The following CSMD3 variants were observed in gnomAD, a reference collection of about 807,000 sequenced individuals.
CSMD3 encodes CUB and sushi domain-containing protein 3.
Under a neutral mutation model 435.2 loss-of-function variants are expected in CSMD3, and 177 were observed. The observed-to-expected ratio is 0.41, with a 90% CI of 0.36 to 0.46. CSMD3 has a LOEUF of 0.46. Ranked by LOEUF, CSMD3 falls within the 20% of genes least tolerant of loss-of-function variation. The pLI is 0.34. For missense variants in CSMD3, 4,265 were observed against 4,504.6 expected, an observed-to-expected ratio of 0.95 and a Z score of 1.52; for synonymous variants, 1,656 against 1,520.5, an observed-to-expected ratio of 1.09 and a Z score of -2.07.
rs758932654 is a variant in CSMD3, at chr8:112,304,703, A to T, written c.8266+18T>A. 11 of 1,581,044 alleles carry T rather than the reference A, an allele frequency of 7.0e-6. No homozygotes were observed. The Admixed American group carries it at 1.5e-4, about 22-fold the overall frequency. On this transcript the variant is annotated intron_variant, in intron 52 of 70. Coordinates refer to ENST00000297405, the MANE Select transcript of CSMD3 (RefSeq NM_198123.2). ...CAAACATAGCTTATGAAATAAGTTTAGCAGAGTGTATACTTACTTTGGCAA... is the reference window on the plus strand; with the variant it reads ...CAAACATAGCTTATGAAATAAGTTTTGCAGAGTGTATACTTACTTTGGCAA...
At chr8:112,976,307 G>C (rs536723366) in intron 6 of CSMD3, among the ~76,000 whole-genome samples, 159 bp from the exon 7 acceptor site, 82 of 152,218 alleles carry the variant, frequency 5.4e-4, no homozygotes, top group Non-Finnish European at 1.1e-3. Context: ...AAGCGCACTA[G>C]ATCTGTCGGT....
chr8:113,131,316 G>GA (rs1046527982), intron 4 of CSMD3, among the ~76,000 whole-genome samples: 10 of 152,022 alleles, frequency 6.6e-5, no homozygotes, highest in Admixed American at 4.6e-4. Context: ...AGCCAAGGAG[G>GA]AAAAAATGGC....
chr8:113,003,932 T>C (rs1192641295), intron 6 of CSMD3, among the ~76,000 whole-genome samples: 1 of 152,056 alleles, frequency 6.6e-6, no homozygotes, highest in African/African-American at 2.4e-5. Context: ...AAAAAAACAT[T>C]TATTTTTCTA....
chr8:112,700,063 T>C (rs1285101868), intron 13 of CSMD3, among the ~76,000 whole-genome samples: 2 of 152,196 alleles, frequency 1.3e-5, no homozygotes, highest in African/African-American at 4.8e-5. Flanking sequence ...ATGGTTGTTT[T>C]GTGGTTACAT....
At chr8:112,771,839 A>C (rs186708530) in intron 13 of CSMD3, among the ~76,000 whole-genome samples, 2 of 151,912 alleles carry the variant, frequency 1.3e-5, no homozygotes, top group Admixed American at 1.3e-4. Context: ...GAATAGAAAA[A>C]AGTCAATCAC....
At chr8:113,430,741 C>A (rs943176916) in intron 1 of CSMD3, among the ~76,000 whole-genome samples, 2 of 152,136 alleles carry the variant, frequency 1.3e-5, no homozygotes, top group Non-Finnish European at 2.9e-5. Flanking sequence ...TATCTAATGC[C>A]ACATAATCAC....
rs2075770715 is a variant in CSMD3, at chr8:112,676,403, G to C, written c.2677+6039C>G. Among the ~76,000 whole-genome samples the C allele has an allele frequency of 2.6e-5, 4 of 152,168 alleles. No homozygotes were observed. In the South Asian group the frequency reaches 8.3e-4, roughly 32 times the overall value. On this transcript the variant is annotated intron_variant, in intron 16 of 70. Coordinates refer to ENST00000297405, the MANE Select transcript of CSMD3 (RefSeq NM_198123.2). Reference sequence around the variant, plus strand: ...CAGGAAAGGAGACTAAAATGAGCCTGAGTAGCATATTTAATAAAATAAAAT... The same window carrying C: ...CAGGAAAGGAGACTAAAATGAGCCTCAGTAGCATATTTAATAAAATAAAAT...
intron 11 of CSMD3, among the ~76,000 whole-genome samples, chr8:112,840,715 T>C (rs1379085945): frequency 6.6e-6 from 1 of 151,688 alleles, no homozygotes; most frequent in Non-Finnish European, 1.5e-5. Flanking sequence ...AGTAAAACTT[T>C]AATAAAAAAA....
At chr8:112,425,916 G>A (rs1156874874) in intron 32 of CSMD3, among the ~76,000 whole-genome samples, 3 of 151,946 alleles carry the variant, frequency 2.0e-5, no homozygotes, top group Non-Finnish European at 4.4e-5. Flanking sequence ...TTTTTAATGG[G>A]AAGAAACACA....
At chr8:113,030,409 G>C (rs1255404031) in intron 5 of CSMD3, among the ~76,000 whole-genome samples, 2 of 109,594 alleles carry the variant, frequency 1.8e-5, no homozygotes, top group East Asian at 5.5e-4. Flanking sequence ...AAAACACTTT[G>C]GTACTGGTAA....
chr8:113,301,466 G>A (rs1291214792), intron 2 of CSMD3, among the ~76,000 whole-genome samples: 1 of 151,526 alleles, frequency 6.6e-6, no homozygotes, highest in African/African-American at 2.4e-5. Flanking sequence ...GATATAATTT[G>A]ACTGTTATAG....
intron 5 of CSMD3, among the ~76,000 whole-genome samples, chr8:113,035,308 A>G (rs2087295748): frequency 6.6e-6 from 1 of 152,074 alleles, no homozygotes; most frequent in South Asian, 2.1e-4. Flanking sequence ...TTTCAGTAAT[A>G]AGGCAGTATT....
At chr8:112,745,980 G>T (rs16884046) in intron 13 of CSMD3, among the ~76,000 whole-genome samples, 50,506 of 151,836 alleles carry the variant, frequency 0.33, 9,261 homozygotes, top group African/African-American at 0.5. Context: ...AAATCGATGG[G>T]CAGTGTTATG....
At chr8:112,422,276 A>T (rs758907132) in intron 32 of CSMD3, among the ~76,000 whole-genome samples, 31 of 152,166 alleles carry the variant, frequency 2.0e-4, no homozygotes, top group Non-Finnish European at 4.1e-4. Flanking sequence ...TAAATGGCCA[A>T]ATTATTATTT....
chr8:112,352,664 G>C, intron 38 of CSMD3, 130 bp from the exon 39 acceptor site: 1 of 795,070 alleles, frequency 1.3e-6, no homozygotes, highest in Non-Finnish European at 2.2e-6. Context: ...CGTTGAGAAC[G>C]TTCTGTGAAC....
chr8:113,219,991 A>G (rs564486939), intron 3 of CSMD3, among the ~76,000 whole-genome samples: 1 of 151,554 alleles, frequency 6.6e-6, no homozygotes, highest in Admixed American at 6.6e-5. Context: ...ACAATTCAAT[A>G]TATAAAATAG....
chr8:113,114,154 T>C (rs966534369), intron 4 of CSMD3, among the ~76,000 whole-genome samples: 3 of 152,122 alleles, frequency 2.0e-5, no homozygotes, highest in Non-Finnish European at 4.4e-5. Flanking sequence ...CAAAAAAAGA[T>C]ATCTAAAGAA....
At chr8:113,287,614 T>C (rs1176302580) in intron 2 of CSMD3, among the ~76,000 whole-genome samples, 5 of 151,990 alleles carry the variant, frequency 3.3e-5, no homozygotes, top group African/African-American at 7.2e-5. Flanking sequence ...ATTCACCATG[T>C]TGGGAACATG....
At chr8:112,568,356 G>A (rs1463596001) in intron 24 of CSMD3, among the ~76,000 whole-genome samples, 1 of 152,116 alleles carries the variant, frequency 6.6e-6, no homozygotes, top group African/African-American at 2.4e-5. Context: ...ATTTTGGGAG[G>A]CCAAGGCAGG....
Sources: allele counts gnomAD v4.1 joint callset (sites outside exome capture counted in the v4.1 genomes callset), GRCh38; gene constraint gnomAD v4.1.1; transcripts MANE v1.5; gene names NCBI Gene and HGNC (gene_info 2026-07-23, HGNC 2026-07-21).